Variants in RCAN2 observed in about 807,000 individuals in gnomAD.
RCAN2 encodes regulator of calcineurin 2, also known as calcipressin-2.
Under a neutral mutation model 23.6 loss-of-function variants are expected in RCAN2, and 9 were observed. That is an observed-to-expected ratio of 0.38 (90% CI 0.23 to 0.67). The LOEUF (loss-of-function observed/expected upper bound fraction) is 0.67. RCAN2 is among the 30% of genes least tolerant of loss of function. RCAN2 has a pLI of 0.51. For synonymous variants in RCAN2, 109 were observed against 115.7 expected, an observed-to-expected ratio of 0.94 and a Z score of 0.37; for missense variants, 273 against 302.3, an observed-to-expected ratio of 0.90 and a Z score of 0.72.
rs1390240250 is a variant in RCAN2, at chr6:46,474,043, C to T, written c.-2-17065G>A. On this transcript the variant is annotated intron_variant, in intron 1 of 4. Coordinates refer to ENST00000371374, the MANE Select transcript of RCAN2 (RefSeq NM_001251974.2). ...GAGGCACTGTGATTATGCAGGGACA[C>T]CCAGGCCCAGAATGGAGGTGGACAT... Among the ~76,000 whole-genome samples the T allele has an allele frequency of 6.6e-5, 10 of 152,176 alleles. No homozygotes were observed. In the East Asian group the frequency reaches 1.9e-3, roughly 29 times the overall value.
intron 1 of RCAN2, among the ~76,000 whole-genome samples, chr6:46,463,211 T>C (rs969938413): frequency 6.6e-6 from 1 of 152,220 alleles, no homozygotes; most frequent in Non-Finnish European, 1.5e-5. Context: ...CAAGTTACGT[T>C]ATCTAAGAGA....
chr6:46,247,927 G>A (rs1320705892), intron 3 of RCAN2, among the ~76,000 whole-genome samples: 2 of 152,194 alleles, frequency 1.3e-5, no homozygotes, highest in African/African-American at 2.4e-5. Context: ...TTTTAAAGAC[G>A]AGGAAACTGA....
At chr6:46,466,548 G>T (rs1459245555) in intron 1 of RCAN2, among the ~76,000 whole-genome samples, 1 of 152,090 alleles carries the variant, frequency 6.6e-6, no homozygotes, top group Non-Finnish European at 1.5e-5. Flanking sequence ...AAGGCAGGGG[G>T]AAGAAAAATC....
In RCAN2 at chr6:46,418,988, G is replaced by A. The variant is rs148820321; in HGVS notation, c.225+37764C>T. The stretch of plus-strand genomic sequence containing the variant: ...CTGTAGTCCTAGCTACTTGGGAAGC[G>A]GAGGCTGCAGTGAGCCGAGATAGCA... On this transcript the variant is annotated intron_variant, in intron 2 of 4. Coordinates refer to ENST00000371374, the MANE Select transcript of RCAN2 (RefSeq NM_001251974.2). Among the ~76,000 whole-genome samples, 965 of 151,736 alleles carry A rather than the reference G, an allele frequency of 6.4e-3. 12 individuals are homozygous for A. The highest frequency in any genetic ancestry group is 0.023 in the African/African-American group (934 of 41,346).
intron 2 of RCAN2, among the ~76,000 whole-genome samples, chr6:46,375,924 G>T (rs867774122): frequency 1.3e-5 from 2 of 152,170 alleles, no homozygotes; most frequent in Middle Eastern, 3.4e-3. Flanking sequence ...ATACACAATG[G>T]GCCACAGTTT....
intron 2 of RCAN2, among the ~76,000 whole-genome samples, chr6:46,334,983 A>C (rs1171014311): frequency 6.6e-6 from 1 of 152,186 alleles, no homozygotes; most frequent in Non-Finnish European, 1.5e-5. Context: ...ACAGGGATGA[A>C]AATAAAAAGG....
At chr6:46,479,190 A>T (rs1427600651) in intron 1 of RCAN2, among the ~76,000 whole-genome samples, 1 of 152,228 alleles carries the variant, frequency 6.6e-6, no homozygotes, top group South Asian at 2.1e-4. Flanking sequence ...GAAGATTTTC[A>T]TTAGGTATTG....
chr6:46,287,571 A>T (rs1762414418), intron 2 of RCAN2, among the ~76,000 whole-genome samples: 1 of 152,274 alleles, frequency 6.6e-6, no homozygotes, highest in Non-Finnish European at 1.5e-5. Context: ...CATGACTTCC[A>T]TTATGGGTCC....
At chr6:46,443,485 T>A (rs1050267138) in intron 2 of RCAN2, among the ~76,000 whole-genome samples, 1 of 152,046 alleles carries the variant, frequency 6.6e-6, no homozygotes, top group Non-Finnish European at 1.5e-5. Flanking sequence ...CATAATAATA[T>A]AAATATTTAT....
chr6:46,407,250 G>A (rs938891687), intron 2 of RCAN2, among the ~76,000 whole-genome samples: 1 of 152,196 alleles, frequency 6.6e-6, no homozygotes, highest in Non-Finnish European at 1.5e-5. Context: ...CTTTGGTAGA[G>A]CTAAATTTAG....
At chr6:46,439,724 A>T (rs1390556073) in intron 2 of RCAN2, among the ~76,000 whole-genome samples, 3 of 152,164 alleles carry the variant, frequency 2.0e-5, no homozygotes, top group African/African-American at 7.2e-5. Context: ...AACCAAATGT[A>T]TACTCACTTT....
chr6:46,371,195 C>T (rs1765310645), intron 2 of RCAN2, among the ~76,000 whole-genome samples: 1 of 152,122 alleles, frequency 6.6e-6, no homozygotes, highest in African/African-American at 2.4e-5. Flanking sequence ...CAGCCTTTCC[C>T]CCCAGATTTA....
At chr6:46,288,937 C>T (rs1439814804) in intron 2 of RCAN2, among the ~76,000 whole-genome samples, 2 of 152,252 alleles carry the variant, frequency 1.3e-5, no homozygotes, top group Non-Finnish European at 2.9e-5. Flanking sequence ...ACATCAAGCT[C>T]GGGCTAGTTA....
chr6:46,377,339 G>T (rs967814565), intron 2 of RCAN2, among the ~76,000 whole-genome samples: 11 of 152,202 alleles, frequency 7.2e-5, no homozygotes, highest in African/African-American at 2.4e-4. Flanking sequence ...CTTTAACTTG[G>T]AAAACGGGTG....
intron 2 of RCAN2, among the ~76,000 whole-genome samples, chr6:46,269,765 A>T (rs1767464111): frequency 6.6e-6 from 1 of 152,134 alleles, no homozygotes. Context: ...GACCTGAGGG[A>T]CCCAGGATTG....
At position 46,360,533 on chromosome 6, in the gene RCAN2, C is replaced by CAAAAAA. The variant is rs765916099; in HGVS notation, c.225+96213_225+96218dup. 1.8e-4 allele frequency among the ~76,000 whole-genome samples: 6 copies of CAAAAAA among 33,500 alleles called. No homozygotes were observed. In the Admixed American group the frequency reaches 1.9e-3, roughly 11 times the overall value. The allele number at this position is 33,500 out of a possible 152,430, so 22.0% of individuals were successfully genotyped here. A position where few individuals can be genotyped will look rare whatever the true frequency, so the allele number is the denominator to read the frequency against. ...TGGGCGACAGAGCAAGACTCCGTCT[C>CAAAAAA]AAAAAAAAAAAAAAAAAAAAAAAAA... On this transcript the variant is annotated intron_variant, in intron 2 of 4. Coordinates refer to ENST00000371374, the MANE Select transcript of RCAN2 (RefSeq NM_001251974.2).
At chr6:46,288,794 T>C (rs773045212) in intron 2 of RCAN2, among the ~76,000 whole-genome samples, 19 of 152,250 alleles carry the variant, frequency 1.2e-4, no homozygotes, top group Non-Finnish European at 2.5e-4. Context: ...AGCCAAGTTA[T>C]CCTCTGATTG....
intron 3 of RCAN2, among the ~76,000 whole-genome samples, chr6:46,247,673 A>G (rs1561826464): frequency 6.6e-6 from 1 of 152,222 alleles, no homozygotes; most frequent in Non-Finnish European, 1.5e-5. Flanking sequence ...TGTAGCATTT[A>G]TCAGTATTTT....
At chr6:46,426,206 T>A (rs1255361872) in intron 2 of RCAN2, among the ~76,000 whole-genome samples, 6 of 152,186 alleles carry the variant, frequency 3.9e-5, no homozygotes, top group Non-Finnish European at 8.8e-5. Context: ...GCTGACTGAT[T>A]ACTTCTTTAA....
Sources: gnomAD v4.1 joint callset for allele counts (sites outside exome capture counted in the v4.1 genomes callset) on GRCh38, gnomAD v4.1.1 for gene constraint, MANE v1.5 for transcripts, NCBI Gene and HGNC (gene_info 2026-07-23, HGNC 2026-07-21) for gene names.